Variants in PAXIP1 observed in about 807,000 individuals in gnomAD.
The protein encoded by PAXIP1 is PAX-interacting protein 1.
PAXIP1 carries 19 observed loss-of-function variants against 140.6 expected under a neutral mutation model. The observed-to-expected ratio is 0.14, with a 90% CI of 0.09 to 0.20. PAXIP1 has a LOEUF of 0.20. Ranked by LOEUF, PAXIP1 falls within the 10% of genes least tolerant of loss-of-function variation. PAXIP1 has a pLI of 1.00. For synonymous variants in PAXIP1, 442 were observed against 444.6 expected (o/e 0.99, Z 0.07); for missense variants, 920 against 1,208.6 (o/e 0.76, Z 3.54).
intron 4 of PAXIP1, 168 bp from the exon 5 acceptor site, chr7:154,983,500 C>A: frequency 1.9e-6 from 1 of 535,434 alleles, no homozygotes; most frequent in Non-Finnish European, 3.3e-6. Flanking sequence ...CTTATTATAA[C>A]AAAAACTTCA....
intron 16 of PAXIP1, chr7:154,950,275 AC>A (rs564678937): frequency 1.2e-3 from 184 of 152,004 alleles, no homozygotes; most frequent in African/African-American, 4.4e-3. Context: ...TTTAAAAAAA[AC>A]TGACCCAAAA....
At chr7:154,969,464 C>A (rs1809196400) in intron 6 of PAXIP1, among the ~76,000 whole-genome samples, 2 of 152,238 alleles carry the variant, frequency 1.3e-5, no homozygotes, top group South Asian at 4.1e-4. Flanking sequence ...GGTAGCTAAG[C>A]CTTGGTGCTC....
intron 10 of PAXIP1, among the ~76,000 whole-genome samples, chr7:154,961,985 G>A (rs1236430004): frequency 2.6e-5 from 4 of 152,208 alleles, no homozygotes; most frequent in African/African-American, 9.6e-5. Flanking sequence ...CCAACGCTGA[G>A]ATCATTTGAG....
intron 4 of PAXIP1, among the ~76,000 whole-genome samples, chr7:154,988,423 AT>A (rs1212287267): frequency 6.6e-6 from 1 of 152,222 alleles, no homozygotes; most frequent in Non-Finnish European, 1.5e-5. Flanking sequence ...TGTCTACACT[AT>A]AACCTAATTT....
At position 154,943,860 on chromosome 7, in the gene PAXIP1, G is replaced by T; in HGVS notation, c.*289C>A. ...CCATTTTATTTCTAGTTGAAGTCCC[G>T]TAACAGTTTTGTGAAAACATTTAAA... On this transcript the variant is annotated 3_prime_UTR_variant, in exon 21 of 21. Coordinates refer to ENST00000404141, the MANE Select transcript of PAXIP1 (RefSeq NM_007349.4). The T allele has an allele frequency of 2.6e-6, 1 of 378,196 alleles. No homozygotes were observed. The highest frequency in any genetic ancestry group is 4.9e-6 in the Non-Finnish European group (1 of 203,464). 23.4% of individuals were successfully genotyped at this position (378,196 alleles called of 1,614,324 possible). A position where few individuals can be genotyped will look rare whatever the true frequency, so the allele number is the denominator to read the frequency against.
chr7:154,975,599 G>GTCT (rs1809535111), intron 6 of PAXIP1, 97 bp downstream of exon 6: 9 of 781,474 alleles, frequency 1.2e-5, no homozygotes, highest in Non-Finnish European at 1.6e-5. Context: ...AAGTTATTTG[G>GTCT]TCTGAAAAAG....
At position 154,983,289 on chromosome 7, in the gene PAXIP1, A is replaced by T. The variant is rs749879690; in HGVS notation, c.368T>A (p.Phe123Tyr). 7.6e-5 allele frequency: 122 copies of T among 1,612,354 alleles called. No individual in the cohort carries two copies. Among genetic ancestry groups the T allele is most frequent in the Middle Eastern group, 3.3e-4 (2 of 6,078 alleles). The change falls in exon 5 of 21, where the codon TTC becomes TAC. Residue 123 changes from phenylalanine to tyrosine, a missense_variant. Coordinates refer to ENST00000404141, the MANE Select transcript of PAXIP1 (RefSeq NM_007349.4). ...GGTTAGCTGGCAATCTCCCCCATAG[A>T]ACGTAACCAAAGCCCACAGGGCACT... is the stretch of plus-strand genomic sequence containing the variant. ...DRSALWALVTFYGGDCQLTLN... is the reference protein window; with the variant it reads ...DRSALWALVTYYGGDCQLTLN...
rs1385409502 is a variant in PAXIP1, at chr7:154,944,084, T to C, written c.*65A>G. On this transcript the variant is annotated 3_prime_UTR_variant, in exon 21 of 21. Coordinates refer to ENST00000404141, the MANE Select transcript of PAXIP1 (RefSeq NM_007349.4). The stretch of plus-strand genomic sequence containing the variant: ...GAGCATGTGAAGGAAGCGCAGCAGC[T>C]CCTCGCCAGCCAGACAGCCAGCCCC... The C allele has an allele frequency of 7.7e-6, 12 of 1,553,698 alleles. No individual in the cohort carries two copies. The highest frequency in any genetic ancestry group is 1.1e-5 in the Non-Finnish European group (12 of 1,128,786).
At position 154,977,136 on chromosome 7, in the gene PAXIP1, T is replaced by C. The variant is rs74627497; in HGVS notation, c.439-805A>G. Among the ~76,000 whole-genome samples the C allele has an allele frequency of 8.3e-4, 127 of 152,216 alleles. No individual in the cohort carries two copies. In the East Asian group the frequency reaches 0.013, roughly 15 times the overall value. The stretch of plus-strand genomic sequence containing the variant: ...ACTGGAAAAGATGTGTCCGGAGTAG[T>C]ATGTTCGGCAAGCTAACAGAGACCT... On this transcript the variant is annotated intron_variant, in intron 5 of 20. Coordinates refer to ENST00000404141, the MANE Select transcript of PAXIP1 (RefSeq NM_007349.4).
In PAXIP1 at chr7:154,984,152, G is replaced by A. The variant is rs554459321; in HGVS notation, c.325-820C>T. The stretch of plus-strand genomic sequence containing the variant: ...GGAAAAGCTGACTTTTAAAACCCAG[G>A]TCTGTCTACACCCAGGTCTAACTCC... On this transcript the variant is annotated intron_variant, in intron 4 of 20. Transcript: ENST00000404141. Among the ~76,000 whole-genome samples, 79 of 152,054 alleles carry A rather than the reference G, an allele frequency of 5.2e-4. 1 individual carries two copies. Among genetic ancestry groups the A allele is most frequent in the Admixed American group, 2.8e-3 (42 of 15,246 alleles).
At position 154,990,931 on chromosome 7, in the gene PAXIP1, G is replaced by T. The variant is rs563573572; in HGVS notation, c.324+75C>A. The T allele has an allele frequency of 5.6e-4, 460 of 820,652 alleles. 1 individual carries two copies. Among genetic ancestry groups the T allele is most frequent in the Middle Eastern group, 1.9e-3 (8 of 4,106 alleles). The allele number at this position is 820,652 out of a possible 1,614,324, so 50.8% of individuals were successfully genotyped here. ...TAGCTTCTCTAAAACTGGTTAACAG[G>T]TCATAAATCCAACCATACAAAAACT... is the stretch of plus-strand genomic sequence containing the variant. On this transcript the variant is annotated intron_variant, in intron 4 of 20. Coordinates refer to ENST00000404141, the MANE Select transcript of PAXIP1 (RefSeq NM_007349.4).
chr7:154,945,430 T>C, intron 20 of PAXIP1: 2 of 523,584 alleles, frequency 3.8e-6, no homozygotes, highest in Non-Finnish European at 4.9e-6. Context: ...GTAAATATAC[T>C]TAAATGTAAT....
At chr7:154,944,778 A>G (rs1395341440) in intron 20 of PAXIP1, 1 of 152,240 alleles carries the variant, frequency 6.6e-6, no homozygotes, top group Non-Finnish European at 1.5e-5. Flanking sequence ...TGCTTATAGC[A>G]TATCTGTAAA....
At position 155,002,915 on chromosome 7, in the gene PAXIP1, C is replaced by A. The variant is rs377451705; in HGVS notation, c.15G>T (p.Ala5=). 21 of 1,364,628 alleles carry A rather than the reference C, an allele frequency of 1.5e-5. No homozygotes were observed. In the African/African-American group the frequency reaches 3.0e-4, roughly 20 times the overall value. 84.5% of individuals were successfully genotyped at this position (1,364,628 alleles called of 1,614,324 possible). Residue 5 remains alanine (A), a synonymous_variant, in exon 1 of 21, where the codon GCG becomes GCT. Coordinates refer to ENST00000404141, the MANE Select transcript of PAXIP1 (RefSeq NM_007349.4). The stretch of plus-strand genomic sequence containing the variant: ...TGAACATCTCCTCAGGAACTTTGGG[C>A]GCCTGGTCCGACATGATCGCGGCGG... MSDQ[A]PKVPEEMFRE...
At position 155,003,092 on chromosome 7, in the gene PAXIP1, C is replaced by T. The variant is rs1227469059; in HGVS notation, c.-163G>A. 5 of 177,340 alleles carry T rather than the reference C, an allele frequency of 2.8e-5. No individual in the cohort carries two copies. The highest frequency in any genetic ancestry group is 9.7e-5 in the African/African-American group (4 of 41,364). 11.0% of individuals were successfully genotyped at this position (177,340 alleles called of 1,614,324 possible). A position where few individuals can be genotyped will look rare whatever the true frequency, so the allele number is the denominator to read the frequency against. On this transcript the variant is annotated 5_prime_UTR_variant, in exon 1 of 21. Coordinates refer to ENST00000404141, the MANE Select transcript of PAXIP1 (RefSeq NM_007349.4). ...GGGGTCCGCTCCCCCGCCCTCCGCG[C>T]CCCCGCCCGCGCCCGCGCCGAGCGC...
chr7:154,990,593 C>G (rs899310693), intron 4 of PAXIP1, among the ~76,000 whole-genome samples: 6 of 152,196 alleles, frequency 3.9e-5, no homozygotes, highest in African/African-American at 1.4e-4. Context: ...TTTTGTTACA[C>G]TTATTAGTAA....
chr7:154,977,482 G>A (rs955065042), intron 5 of PAXIP1, among the ~76,000 whole-genome samples: 1 of 152,206 alleles, frequency 6.6e-6, no homozygotes, highest in African/African-American at 2.4e-5. Context: ...TTGGTCATTC[G>A]GTCCTGGCAG....
intron 2 of PAXIP1, among the ~76,000 whole-genome samples, chr7:154,994,056 G>A (rs1304538430): frequency 6.6e-6 from 1 of 151,906 alleles, no homozygotes; most frequent in South Asian, 2.1e-4. Context: ...CCCACATTTA[G>A]GACAGGGGAA....
intron 20 of PAXIP1, 147 bp from the exon 21 acceptor site, chr7:154,944,311 C>A: frequency 1.6e-6 from 1 of 621,512 alleles, no homozygotes; most frequent in Non-Finnish European, 2.8e-6. Flanking sequence ...AGTCGCTCTG[C>A]TGCATACCCA....
Sources: allele counts gnomAD v4.1 joint callset (sites outside exome capture counted in the v4.1 genomes callset), GRCh38; gene constraint gnomAD v4.1.1; transcripts MANE v1.5; gene names NCBI Gene and HGNC (gene_info 2026-07-23, HGNC 2026-07-21).